CDH4: variants seen among roughly 807,000 people sequenced by gnomAD.
CDH4 encodes the protein cadherin-4.
Under a neutral mutation model 86.0 loss-of-function variants are expected in CDH4, and 33 were observed. That is an observed-to-expected ratio of 0.38 (90% CI 0.29 to 0.51). CDH4 has a LOEUF of 0.51. CDH4 is among the 20% of genes least tolerant of loss of function. The pLI is 0.86. For synonymous variants in CDH4, 555 were observed against 549.4 expected, an observed-to-expected ratio of 1.01 and a Z score of -0.14; for missense variants, 1,114 against 1,307.4, an observed-to-expected ratio of 0.85 and a Z score of 2.28.
chr20:61,750,714 A>G (rs956671637), intron 3 of CDH4, among the ~76,000 whole-genome samples: 4 of 152,244 alleles, frequency 2.6e-5, no homozygotes, highest in Admixed American at 6.5e-5. Context: ...TGTAGCTTAT[A>G]TGATTATGAA....
At chr20:61,508,500 C>T (rs2085757745) in intron 2 of CDH4, among the ~76,000 whole-genome samples, 1 of 152,222 alleles carries the variant, frequency 6.6e-6, no homozygotes, top group Non-Finnish European at 1.5e-5. Context: ...GGGAAGGCCC[C>T]CTCCTGAGCA....
chr20:61,936,996 G>A lies in CDH4; in HGVS notation c.*53G>A. ...AGAGCCGTGCTCGGACGCCGGAGGA[G>A]CAGGACTGAGCAGAGGCGGCCGGTC... On this transcript the variant is annotated 3_prime_UTR_variant, in exon 16 of 16. Transcript: ENST00000614565. 6.8e-7 allele frequency: 1 copy of A among 1,466,252 alleles called. No individual in the cohort carries two copies. Among genetic ancestry groups the A allele is most frequent in the East Asian group, 2.4e-5 (1 of 40,918 alleles). The allele number at this position is 1,466,252 out of a possible 1,614,324, so 90.8% of individuals were successfully genotyped here.
chr20:61,931,231 G>C (rs560969055), intron 13 of CDH4, among the ~76,000 whole-genome samples: 1 of 152,322 alleles, frequency 6.6e-6, no homozygotes, highest in African/African-American at 2.4e-5. Context: ...GGCTTCCGTC[G>C]AGCCAAGACT....
intron 2 of CDH4, among the ~76,000 whole-genome samples, chr20:61,332,060 G>A (rs2084584397): frequency 6.6e-6 from 1 of 152,214 alleles, no homozygotes; most frequent in Non-Finnish European, 1.5e-5. Context: ...ATCTCTGAGT[G>A]GACAGAGGCT....
chr20:61,679,695 G>A (rs570008237), intron 2 of CDH4, among the ~76,000 whole-genome samples: 3 of 152,342 alleles, frequency 2.0e-5, no homozygotes, highest in South Asian at 4.1e-4. Flanking sequence ...TGGTGGTGCT[G>A]TGAGCACGCC....
intron 2 of CDH4, among the ~76,000 whole-genome samples, chr20:61,604,523 A>T (rs992963231): frequency 6.6e-6 from 1 of 151,812 alleles, no homozygotes; most frequent in Non-Finnish European, 1.5e-5. Context: ...CTTTTAGGGT[A>T]TTTTCAGCAT....
At chr20:61,273,664 G>T (rs2084201262) in intron 2 of CDH4, among the ~76,000 whole-genome samples, 2 of 149,158 alleles carry the variant, frequency 1.3e-5, no homozygotes, top group East Asian at 2.0e-4. Context: ...TGTGCAGTTT[G>T]GGGCAGTACT....
At chr20:61,789,462 G>T (rs1041776267) in intron 4 of CDH4, among the ~76,000 whole-genome samples, 5 of 152,208 alleles carry the variant, frequency 3.3e-5, no homozygotes, top group African/African-American at 9.6e-5. Flanking sequence ...GCACCCACGG[G>T]ATAGGAGGGG....
intron 2 of CDH4, among the ~76,000 whole-genome samples, chr20:61,293,231 C>T (rs916724296): frequency 3.3e-5 from 5 of 152,240 alleles, no homozygotes; most frequent in South Asian, 2.1e-4. Flanking sequence ...CCCACATGCA[C>T]GTAGTGGGAC....
At chr20:61,908,255 C>T (rs1304175011) in intron 8 of CDH4, among the ~76,000 whole-genome samples, 2 of 152,172 alleles carry the variant, frequency 1.3e-5, no homozygotes, top group Non-Finnish European at 1.5e-5. Context: ...AATGCTGACT[C>T]GGCTCCTGCC....
chr20:61,695,295 G>A (rs771523373), intron 2 of CDH4, among the ~76,000 whole-genome samples: 3 of 152,246 alleles, frequency 2.0e-5, no homozygotes, highest in African/African-American at 7.2e-5. Context: ...CGTCCTGCCC[G>A]GGAGGCATGA....
intron 2 of CDH4, among the ~76,000 whole-genome samples, chr20:61,554,796 G>A (rs113270308): frequency 1.3e-4 from 20 of 152,316 alleles, no homozygotes; most frequent in South Asian, 4.1e-4. Flanking sequence ...GTTTTCACAC[G>A]TGCACATGTA....
Position 61,419,219 on chromosome 20 carries a change from G to A in CDH4, c.169+164282G>A, listed in dbSNP as rs79304083. The stretch of plus-strand genomic sequence containing the variant: ...AGCCCGAGATCACTCGTTCCCCGCA[G>A]CAGGTGCAGCTGAGAGCAGAGGCGG... On this transcript the variant is annotated intron_variant, in intron 2 of 15. Coordinates refer to ENST00000614565, the MANE Select transcript of CDH4 (RefSeq NM_001794.5). Among the ~76,000 whole-genome samples the A allele has an allele frequency of 1.0e-3, 157 of 152,280 alleles. 1 individual carries two copies. In the East Asian group the frequency reaches 0.026, roughly 25 times the overall value.
At chr20:61,305,414 G>A (rs973489946) in intron 2 of CDH4, among the ~76,000 whole-genome samples, 4 of 152,228 alleles carry the variant, frequency 2.6e-5, no homozygotes, top group African/African-American at 9.6e-5. Flanking sequence ...TCCCGGGGGA[G>A]GTGGGGCCTG....
intron 2 of CDH4, among the ~76,000 whole-genome samples, chr20:61,695,590 T>A (rs575959068): frequency 1.3e-5 from 2 of 152,214 alleles, no homozygotes; most frequent in South Asian, 4.2e-4. Flanking sequence ...CCTTGTGAGG[T>A]TCCACATGGC....
chr20:61,652,938 A>ATTTTTTTATTTTTATT (rs1555819717), intron 2 of CDH4, among the ~76,000 whole-genome samples: 1 of 97,402 alleles, frequency 1.0e-5, no homozygotes, highest in African/African-American at 3.4e-5. Context: ...TTATTTATTT[A>ATTTTTTTATTTTTATT]TTTTTTTTTT....
chr20:61,513,528 G>T (rs1021953576), intron 2 of CDH4, among the ~76,000 whole-genome samples: 2 of 152,200 alleles, frequency 1.3e-5, no homozygotes, highest in Non-Finnish European at 1.5e-5. Context: ...CCGCCATGGC[G>T]CACGGCTGTG....
rs1409943192 is a variant in CDH4, at chr20:61,902,055, G to A, written c.1188+7008G>A. ...GCAAATCACCAAGATGCAGTCCTGCGTGTCACACCTGAGGAGCAGCCTGGA... is the reference window on the plus strand; with the variant it reads ...GCAAATCACCAAGATGCAGTCCTGCATGTCACACCTGAGGAGCAGCCTGGA... On this transcript the variant is annotated intron_variant, in intron 8 of 15. Coordinates refer to ENST00000614565, the MANE Select transcript of CDH4 (RefSeq NM_001794.5). The surrounding 1 kb of genome is among the most constrained non-coding windows in gnomAD (Gnocchi z 4.6). 6.6e-6 allele frequency among the ~76,000 whole-genome samples: 1 copy of A among 152,198 alleles called. No homozygotes were observed. The highest frequency in any genetic ancestry group is 1.5e-5 in the Non-Finnish European group (1 of 68,034).
intron 2 of CDH4, among the ~76,000 whole-genome samples, chr20:61,668,272 T>C (rs2087349336): frequency 6.6e-6 from 1 of 152,158 alleles, no homozygotes; most frequent in Admixed American, 6.5e-5. Context: ...TGCATGTGGG[T>C]GGATGTTTAT....
Sources: gnomAD v4.1 joint callset for allele counts (sites outside exome capture counted in the v4.1 genomes callset) on GRCh38, gnomAD v4.1.1 for gene constraint, Gnocchi (gnomAD v3.1) non-coding constraint, MANE v1.5 for transcripts, NCBI Gene and HGNC (gene_info 2026-07-23, HGNC 2026-07-21) for gene names.